The following ALDH7A1 variants were observed in gnomAD, a reference collection of about 807,000 sequenced individuals.
ALDH7A1 encodes aldehyde dehydrogenase 7 family member A1, also known as alpha-aminoadipic semialdehyde dehydrogenase.
ALDH7A1 carries 63 observed loss-of-function variants against 79.9 expected under a neutral mutation model. The ratio of observed to expected loss-of-function variants is 0.79; its 90% CI spans 0.64 to 0.97. The LOEUF (loss-of-function observed/expected upper bound fraction) is 0.97, where lower values mean the gene tolerates loss of function less well. Among genes scored for constraint, ALDH7A1 ranks in the 50% least tolerant of loss-of-function variants. The probability of loss-of-function intolerance (pLI) is 0.00; values close to 1 mark genes in which losing one functional copy is unlikely to be tolerated. For missense variants in ALDH7A1, 627 were observed against 665.2 expected, an observed-to-expected ratio of 0.94 and a Z score of 0.63; for synonymous variants, 240 against 231.2, an observed-to-expected ratio of 1.04 and a Z score of -0.34.
intron 9 of ALDH7A1, chr5:126,564,297 C>T (rs957639835): frequency 7.9e-5 from 21 of 264,682 alleles, no homozygotes; most frequent in African/African-American, 3.5e-4. Context: ...CTGGGCATGC[C>T]GCCACACCTA....
At chr5:126,546,879 A>G (rs1293718606) in intron 16 of ALDH7A1, among the ~76,000 whole-genome samples, 1 of 152,260 alleles carries the variant, frequency 6.6e-6, no homozygotes, top group Non-Finnish European at 1.5e-5. Context: ...CAATTTTGAA[A>G]TAAAAGCTTC....
At chr5:126,586,740 T>C (rs942460679) in intron 3 of ALDH7A1, 1 of 151,886 alleles carries the variant, frequency 6.6e-6, no homozygotes, top group African/African-American at 2.4e-5. Context: ...AAGCATGGGG[T>C]TAGAGGGGTA....
At chr5:126,558,166 C>CAAAAAAAAAAAAAAAAA (rs35559498) in intron 11 of ALDH7A1, among the ~76,000 whole-genome samples, 3 of 75,420 alleles carry the variant, frequency 4.0e-5, no homozygotes, top group Admixed American at 2.0e-4. Context: ...GACTCCAACT[C>CAAAAAAAAAAAAAAAAA]AAAAAAAAAA....
At chr5:126,574,424 G>A (rs1180098488) in intron 7 of ALDH7A1, among the ~76,000 whole-genome samples, 1 of 148,906 alleles carries the variant, frequency 6.7e-6, no homozygotes, top group Non-Finnish European at 1.5e-5. Flanking sequence ...AGCCGGGCGT[G>A]GTGGCTCATG....
intron 8 of ALDH7A1, chr5:126,569,137 G>C (rs1000395526): frequency 4.6e-5 from 7 of 152,456 alleles, no homozygotes; most frequent in Admixed American, 2.0e-4. Flanking sequence ...AGCAGCATTA[G>C]ATCTTCAGAG....
intron 16 of ALDH7A1, among the ~76,000 whole-genome samples, chr5:126,549,267 C>T (rs1749908678): frequency 6.6e-6 from 1 of 152,010 alleles, no homozygotes; most frequent in African/African-American, 2.4e-5. Flanking sequence ...ATTGTAGTAT[C>T]TGCTCTAAAA....
At chr5:126,593,601 T>A (rs1751634160) in intron 1 of ALDH7A1, 197 bp from the exon 2 acceptor site, 3 of 762,448 alleles carry the variant, frequency 3.9e-6, no homozygotes, top group South Asian at 3.7e-5. Flanking sequence ...CATTAGAAAC[T>A]ACCTTTCTGC....
chr5:126,556,888 T>A (rs1330633356), intron 11 of ALDH7A1, among the ~76,000 whole-genome samples: 1 of 152,230 alleles, frequency 6.6e-6, no homozygotes, highest in Non-Finnish European at 1.5e-5. Context: ...GAACTAGTCA[T>A]GAAGCAGTCC....
At chr5:126,545,275 G>C (rs1749749196) in intron 17 of ALDH7A1, among the ~76,000 whole-genome samples, 1 of 151,930 alleles carries the variant, frequency 6.6e-6, no homozygotes, top group Non-Finnish European at 1.5e-5. Context: ...GTTTTTGTTT[G>C]TTTGTTTGTT....
intron 5 of ALDH7A1, among the ~76,000 whole-genome samples, chr5:126,577,868 A>C (rs73343333): frequency 0.14 from 21,229 of 150,278 alleles, 1,874 homozygotes; most frequent in African/African-American, 0.25. Flanking sequence ...GCCTGGCCTC[A>C]CATATTCTTT....
chr5:126,557,447 C>T (rs1000475338), intron 11 of ALDH7A1, among the ~76,000 whole-genome samples: 13 of 151,792 alleles, frequency 8.6e-5, no homozygotes, highest in African/African-American at 3.1e-4. Context: ...ATTAGCCAGG[C>T]ACGGTGATGG....
chr5:126,576,826 C>G (rs1170149634), intron 6 of ALDH7A1, among the ~76,000 whole-genome samples: 1 of 152,140 alleles, frequency 6.6e-6, no homozygotes, highest in Non-Finnish European at 1.5e-5. Flanking sequence ...ACTTGGGAGG[C>G]TGAGGCAGGA....
intron 10 of ALDH7A1, 153 bp from the exon 11 acceptor site, chr5:126,559,487 G>A: frequency 1.7e-6 from 1 of 597,570 alleles, no homozygotes; most frequent in South Asian, 1.7e-5. Flanking sequence ...CCAGGATGGA[G>A]TGCAATGGCA....
chr5:126,554,926 G>C (rs555708613), intron 12 of ALDH7A1: 12 of 198,684 alleles, frequency 6.0e-5, no homozygotes, highest in South Asian at 9.3e-5. Flanking sequence ...GGAAGATGTA[G>C]GTAGGCCTCT....
intron 7 of ALDH7A1, among the ~76,000 whole-genome samples, chr5:126,571,926 C>CG: frequency 6.6e-6 from 1 of 152,262 alleles, no homozygotes; most frequent in East Asian, 1.9e-4. Flanking sequence ...CAAACCATGT[C>CG]GGTCAGAAAA....
chr5:126,562,393 CAA>C (rs1750432686), intron 9 of ALDH7A1: 1 of 150,170 alleles, frequency 6.7e-6, no homozygotes, highest in South Asian at 2.1e-4. Flanking sequence ...TTTTTTTTGG[CAA>C]AGACAGGGTC....
In ALDH7A1 at chr5:126,557,871, C is replaced by T. The variant is rs1248719768; in HGVS notation, c.1008+1369G>A. The stretch of plus-strand genomic sequence containing the variant: ...AAATGCAGCCAAATTTTGTACCTAA[C>T]TAAAACTTCCTCAGGGCTGGGCATG... On this transcript the variant is annotated intron_variant, in intron 11 of 17. Transcript: ENST00000409134. Among the ~76,000 whole-genome samples the T allele has an allele frequency of 2.0e-5, 3 of 151,954 alleles. No homozygotes were observed. In the East Asian group the frequency reaches 5.8e-4, roughly 29 times the overall value.
intron 9 of ALDH7A1, among the ~76,000 whole-genome samples, chr5:126,565,764 A>C (rs1750560496): frequency 6.6e-6 from 1 of 152,196 alleles, no homozygotes; most frequent in African/African-American, 2.4e-5. Context: ...TTGTCTTTGC[A>C]TAGGAGATGT....
intron 7 of ALDH7A1, among the ~76,000 whole-genome samples, 151 bp downstream of exon 7, chr5:126,575,267 CTG>C (rs1246195465): frequency 1.3e-5 from 2 of 152,160 alleles, no homozygotes; most frequent in African/African-American, 4.8e-5. Flanking sequence ...TGAAAGCACT[CTG>C]TATATAAAAA....
Sources: gnomAD v4.1 joint callset for allele counts (sites outside exome capture counted in the v4.1 genomes callset) on GRCh38, gnomAD v4.1.1 for gene constraint, MANE v1.5 for transcripts, NCBI Gene and HGNC (gene_info 2026-07-23, HGNC 2026-07-21) for gene names.